FDFT1: variants seen among roughly 807,000 people sequenced by gnomAD.
The protein encoded by FDFT1 is squalene synthase.
A neutral mutation model predicts 46.8 loss-of-function variants in FDFT1; 68 were observed. That is an observed-to-expected ratio of 1.45 (90% CI 1.19 to 1.78). FDFT1 has a LOEUF of 1.78. FDFT1 is among the 40% of genes most tolerant of loss of function. The pLI, the probability that FDFT1 is intolerant of heterozygous loss-of-function variation, is 0.00. For missense variants in FDFT1, 928 were observed against 524.4 expected, an observed-to-expected ratio of 1.77 and a Z score of -7.52; for synonymous variants, 351 against 185.1, an observed-to-expected ratio of 1.90 and a Z score of -7.28.
chr8:11,808,257 T>C, intron 1 of FDFT1: 1 of 1,208,830 alleles, frequency 8.3e-7, no homozygotes, highest in Non-Finnish European at 1.0e-6. Flanking sequence ...ACTCTGTCAC[T>C]GGGAGGACGA....
intron 4 of FDFT1, among the ~76,000 whole-genome samples, chr8:11,823,716 C>T (rs1281885741): frequency 2.6e-5 from 4 of 151,936 alleles, no homozygotes; most frequent in South Asian, 2.1e-4. Flanking sequence ...ACCACAGGCA[C>T]GTTGCCACCA....
intron 3 of FDFT1, among the ~76,000 whole-genome samples, chr8:11,816,968 C>T (rs960996774): frequency 2.6e-5 from 4 of 152,262 alleles, no homozygotes; most frequent in Admixed American, 1.3e-4. Context: ...GGAATGCTTC[C>T]AGTTTTTGCC....
chr8:11,817,579 C>G (rs909569861), intron 3 of FDFT1, among the ~76,000 whole-genome samples: 1 of 152,164 alleles, frequency 6.6e-6, no homozygotes, highest in Admixed American at 6.5e-5. Context: ...CAACTTCTTC[C>G]TGGTTTAGTC....
chr8:11,811,106 C>G (rs1417989156), intron 3 of FDFT1, among the ~76,000 whole-genome samples: 2 of 152,034 alleles, frequency 1.3e-5, no homozygotes, highest in Admixed American at 6.6e-5. Flanking sequence ...CAGTACAATT[C>G]AAGAGAAGAA....
chr8:11,826,244 A>G, intron 5 of FDFT1, 29 bp downstream of exon 5: 1 of 1,449,882 alleles, frequency 6.9e-7, no homozygotes, highest in Non-Finnish European at 9.3e-7. Context: ...TTTGGGGGAA[A>G]ATAACTTTAG....
At chr8:11,830,467 G>A (rs781487529) in intron 6 of FDFT1, 47 bp downstream of exon 6, 3 of 1,387,614 alleles carry the variant, frequency 2.2e-6, no homozygotes, top group Non-Finnish European at 3.1e-6. Flanking sequence ...AAAGGGAGTG[G>A]GGTAGGAGTA....
intron 7 of FDFT1, among the ~76,000 whole-genome samples, chr8:11,834,788 G>C (rs986005321): frequency 1.3e-5 from 2 of 152,206 alleles, no homozygotes; most frequent in East Asian, 3.8e-4. Flanking sequence ...CATTGCACAA[G>C]AGCTTATTTC....
chr8:11,809,639 T>A, intron 2 of FDFT1, 28 bp from the exon 3 acceptor site: 2 of 1,551,626 alleles, frequency 1.3e-6, no homozygotes, highest in Non-Finnish European at 1.7e-6. Flanking sequence ...TTTGTTCCAA[T>A]ATATTAATAG....
Position 11,808,861 on chromosome 8 carries a change from C to T in FDFT1, c.167C>T (p.Ala56Val), listed in dbSNP as rs1652270957. The T allele has an allele frequency of 6.2e-7, 1 of 1,614,072 alleles. No individual in the cohort carries two copies. The highest frequency in any genetic ancestry group is 1.1e-5 in the South Asian group (1 of 91,024). Residue 56 changes from alanine (A) to valine (V), a missense_variant, in exon 2 of 8, where the codon GCT becomes GTT. Physicochemically the swap from Ala to Val is moderately conservative, Grantham distance 64 (BLOSUM62 0). Transcript: ENST00000220584. ...AATCAGACCAGTCGCAGTTTCGCAGCTGTTATCCAGGCGCTGGATGGGGAA... is the reference window on the plus strand; with the variant it reads ...AATCAGACCAGTCGCAGTTTCGCAGTTGTTATCCAGGCGCTGGATGGGGAA... The part of the protein sequence containing the change: ...YLNQTSRSFA[A>V]VIQALDGEMR...
chr8:11,826,388 A>T (rs1380253051), intron 5 of FDFT1, among the ~76,000 whole-genome samples, 173 bp downstream of exon 5: 1 of 152,046 alleles, frequency 6.6e-6, no homozygotes, highest in Non-Finnish European at 1.5e-5. Context: ...AGACTGGCTG[A>T]CTCCCAGGAT....
intron 3 of FDFT1, among the ~76,000 whole-genome samples, chr8:11,812,681 A>T (rs1807896717): frequency 6.6e-6 from 1 of 152,222 alleles, no homozygotes; most frequent in Non-Finnish European, 1.5e-5. Context: ...TACATATAGT[A>T]TGTGGGCCTC....
At chr8:11,813,295 G>C (rs567874268) in intron 3 of FDFT1, among the ~76,000 whole-genome samples, 3 of 152,272 alleles carry the variant, frequency 2.0e-5, no homozygotes, top group African/African-American at 4.8e-5. Flanking sequence ...CATAGCTTAA[G>C]TAATAATACA....
At position 11,838,803 on chromosome 8, in the gene FDFT1, A is replaced by G; in HGVS notation, c.*194A>G. 1.7e-6 allele frequency: 1 copy of G among 592,652 alleles called. No homozygotes were observed. The highest frequency in any genetic ancestry group is 1.9e-5 in the South Asian group (1 of 51,882). The allele number at this position is 592,652 out of a possible 1,614,324, so 36.7% of individuals were successfully genotyped here. On this transcript the variant is annotated 3_prime_UTR_variant, in exon 8 of 8. Transcript: ENST00000220584. The stretch of plus-strand genomic sequence containing the variant: ...ATGAAAGGAAAGGGTGCCTCATCCC[A>G]GCAACCTGTCCTTGTGGGTGATGAT...
At position 11,834,244 on chromosome 8, in the gene FDFT1, G is replaced by A. The variant is rs182472769; in HGVS notation, c.1032+2574G>A. On this transcript the variant is annotated intron_variant, in intron 7 of 7. Transcript: ENST00000220584. ...TTGGAGTGCAGCCCCAGGTCTTCAC[G>A]AGCAGTTGGCCACACTGCAGGGCCC... Among the ~76,000 whole-genome samples the A allele has an allele frequency of 1.6e-3, 249 of 152,290 alleles. 3 individuals are homozygous for A. The highest frequency in any genetic ancestry group is 0.015 in the Admixed American group (229 of 15,302).
chr8:11,832,999 TATTGCAC>T (rs1158041548), intron 7 of FDFT1, among the ~76,000 whole-genome samples: 7 of 152,210 alleles, frequency 4.6e-5, no homozygotes, highest in Non-Finnish European at 1.0e-4. Flanking sequence ...TTCTCTTGCA[TATTGCAC>T]ATTCTTCTTA....
chr8:11,802,706 C>T (rs1181579439), upstream of FDFT1: 7 of 713,116 alleles, frequency 9.8e-6, no homozygotes, highest in Admixed American at 7.9e-5. Flanking sequence ...GGGGCGTCGC[C>T]GTACTAGGCC....
chr8:11,808,239 C>A, intron 1 of FDFT1: 1 of 1,194,984 alleles, frequency 8.4e-7, no homozygotes, highest in Admixed American at 4.4e-5. Flanking sequence ...AGAGTTTGGT[C>A]TAGGGAGACT....
chr8:11,816,300 G>C (rs761024852), intron 3 of FDFT1, among the ~76,000 whole-genome samples: 1 of 152,152 alleles, frequency 6.6e-6, no homozygotes, highest in Non-Finnish European at 1.5e-5. Flanking sequence ...GTCAGGTAGC[G>C]TGATGCCTCC....
upstream of FDFT1, among the ~76,000 whole-genome samples, chr8:11,800,260 CAAAAAAAAAAAAAAAA>C (rs57381182): frequency 1.1e-3 from 66 of 57,918 alleles, 1 homozygote; most frequent in East Asian, 0.034. Flanking sequence ...AATTCTGTCT[CAAAAAAAAAAAAAAAA>C]AAAAAAAAAA....
Sources: gnomAD v4.1 joint callset for allele counts (sites outside exome capture counted in the v4.1 genomes callset) on GRCh38, gnomAD v4.1.1 for gene constraint, MANE v1.5 for transcripts, NCBI Gene and HGNC (gene_info 2026-07-23, HGNC 2026-07-21) for gene names.